The following ACOX1 variants were observed in gnomAD, a reference collection of about 807,000 sequenced individuals.
The protein encoded by ACOX1 is peroxisomal acyl-coenzyme A oxidase 1.
A neutral mutation model predicts 75.5 loss-of-function variants in ACOX1; 41 were observed. The observed-to-expected ratio is 0.54, with a 90% CI of 0.42 to 0.70. ACOX1 has a LOEUF of 0.70. Among genes scored for constraint, ACOX1 ranks in the 30% least tolerant of loss-of-function variants. ACOX1 has a pLI of 0.00. For synonymous variants in ACOX1, 303 were observed against 298.8 expected, an observed-to-expected ratio of 1.01 and a Z score of -0.15; for missense variants, 630 against 837.5, an observed-to-expected ratio of 0.75 and a Z score of 3.06.
At chr17:75,961,241 T>C (rs1255419129) in intron 2 of ACOX1, among the ~76,000 whole-genome samples, 4 of 136,278 alleles carry the variant, frequency 2.9e-5, no homozygotes, top group Non-Finnish European at 6.1e-5. Context: ...TGCAGTGAGC[T>C]AAGATAACAC....
rs1457700456 is a variant in ACOX1, at chr17:75,960,904, G to A, written c.270-529C>T. On this transcript the variant is annotated intron_variant, in intron 2 of 13. Coordinates refer to ENST00000293217, the MANE Select transcript of ACOX1 (RefSeq NM_004035.7). This position sits in a 1 kb window ranked among gnomAD's most constrained non-coding sequence, Gnocchi z 4.4. ...GAGGCAGGAAAATCGCTTGAACCTA[G>A]GAGGCGGAGGTTGCAGTGAGCCGAG... 2.6e-5 allele frequency among the ~76,000 whole-genome samples: 4 copies of A among 152,166 alleles called. No individual in the cohort carries two copies. The highest frequency in any genetic ancestry group is 5.9e-5 in the Non-Finnish European group (4 of 68,018).
intron 2 of ACOX1, among the ~76,000 whole-genome samples, chr17:75,969,389 C>T (rs7220284): frequency 0.13 from 19,137 of 151,776 alleles, 1,665 homozygotes; most frequent in African/African-American, 0.25. Context: ...TGGTCTCGAA[C>T]TCCCGACCTC....
chr17:75,949,339 C>A lies in ACOX1; in HGVS notation c.1606G>T (p.Val536Phe), dbSNP rs140448449. 2 of 1,614,132 alleles carry A rather than the reference C, an allele frequency of 1.2e-6. No homozygotes were observed. The highest frequency in any genetic ancestry group is 3.3e-5 in the Admixed American group (2 of 60,004). The change falls in exon 12 of 14, where the codon GTT (valine) becomes TTT (phenylalanine). Residue 536 changes from valine (V) to phenylalanine (F), a missense_variant. Around this residue, in one of 2 missense-constraint regions of ACOX1, gnomAD observed 240 missense variants for 262.7 expected, o/e 0.91. Transcript: ENST00000293217. The stretch of plus-strand genomic sequence containing the variant: ...AGGAGTTTTTCTGAAAAGAGCTTAA[C>A]TACCACATAGTGGCAATGTGCCTAA... ...ASEAHCHYVV[V>F]KLFSEKLLKI...
chr17:75,948,224 A>G, intron 13 of ACOX1, 27 bp downstream of exon 13: 1 of 1,611,886 alleles, frequency 6.2e-7, no homozygotes, highest in Non-Finnish European at 8.5e-7. Flanking sequence ...AGACTTTTAA[A>G]AAGGTGCAGA....
intron 2 of ACOX1, among the ~76,000 whole-genome samples, chr17:75,976,951 G>A (rs2066055754): frequency 6.7e-6 from 1 of 149,950 alleles, no homozygotes; most frequent in Admixed American, 6.6e-5. Context: ...CTTGTACTAG[G>A]ATCATGTAAT....
Position 75,949,977 on chromosome 17 carries a change from C to T in ACOX1, c.1299-80G>A. On this transcript the variant is annotated intron_variant, in intron 9 of 13. Coordinates refer to ENST00000293217, the MANE Select transcript of ACOX1 (RefSeq NM_004035.7). ...TGAGATGGAGTTTCATTCTTGTTGC[C>T]TAGGCTGGATGGAGTGCAATGGCCA... 8 of 1,522,418 alleles carry T rather than the reference C, an allele frequency of 5.3e-6. No individual in the cohort carries two copies. The South Asian group carries it at 9.2e-5, about 17-fold the overall frequency. The allele number at this position is 1,522,418 out of a possible 1,614,324, so 94.3% of individuals were successfully genotyped here. A position where few individuals can be genotyped will look rare whatever the true frequency, so the allele number is the denominator to read the frequency against.
chr17:75,962,662 G>C (rs1046079435), intron 2 of ACOX1, among the ~76,000 whole-genome samples: 1 of 152,054 alleles, frequency 6.6e-6, no homozygotes, highest in Non-Finnish European at 1.5e-5. Context: ...TCACACTTTA[G>C]AAAAAGAAAA....
At chr17:75,953,858 A>G (rs2065797234) in intron 6 of ACOX1, among the ~76,000 whole-genome samples, 1 of 152,262 alleles carries the variant, frequency 6.6e-6, no homozygotes, top group South Asian at 2.1e-4. Context: ...TTTGAGAATC[A>G]TTGGTTTAGC....
At chr17:75,961,996 G>A (rs1176341818) in intron 2 of ACOX1, among the ~76,000 whole-genome samples, 1 of 151,986 alleles carries the variant, frequency 6.6e-6, no homozygotes, top group African/African-American at 2.4e-5. Flanking sequence ...GTTTTTCCTC[G>A]ATGCAATTTC....
Position 75,979,066 on chromosome 17 carries a change from G to T in ACOX1, c.8C>A (p.Pro3Gln), listed in dbSNP as rs1343563450. The change falls in exon 1 of 14, where the codon CCG becomes CAG. Residue 3 changes from proline to glutamine, a missense_variant. Physicochemically the swap from Pro to Gln is moderately conservative, Grantham distance 76. This residue lies in a region of ACOX1 where 390 missense variants were observed against 574.9 expected (regional missense o/e 0.68). Coordinates refer to ENST00000293217, the MANE Select transcript of ACOX1 (RefSeq NM_004035.7). MN[P>Q]DLRRERDSAS... is the part of the protein sequence containing the mutation. ...GGAATCCCGCTCCCTGCGCAGGTCC[G>T]GGTTCATGGCGACGACCAGCTGGCA... is the stretch of plus-strand genomic sequence containing the variant. The T allele has an allele frequency of 6.2e-7, 1 of 1,611,700 alleles. No individual in the cohort carries two copies.
intron 7 of ACOX1, among the ~76,000 whole-genome samples, chr17:75,952,688 G>T (rs1174211638): frequency 6.6e-6 from 1 of 151,710 alleles, no homozygotes; most frequent in Non-Finnish European, 1.5e-5. Context: ...AAATTAGCTG[G>T]GCATGGTGGC....
rs537207768 is a variant in ACOX1, at chr17:75,946,236, T to A, written c.*512A>T. The A allele has an allele frequency of 5.4e-6, 1 of 183,850 alleles. No individual in the cohort carries two copies. The highest frequency in any genetic ancestry group is 1.5e-4 in the East Asian group (1 of 6,844). 11.4% of individuals were successfully genotyped at this position (183,850 alleles called of 1,614,324 possible). ...GAGACTGTGCCAAGCAGAAACTCAT[T>A]CGCATCAAGTTTTCCAATAAGTTTC... On this transcript the variant is annotated 3_prime_UTR_variant, in exon 14 of 14. Coordinates refer to ENST00000293217, the MANE Select transcript of ACOX1 (RefSeq NM_004035.7).
intron 2 of ACOX1, among the ~76,000 whole-genome samples, chr17:75,975,669 C>A (rs890747256): frequency 6.6e-6 from 1 of 152,090 alleles, no homozygotes; most frequent in Non-Finnish European, 1.5e-5. Context: ...CTCAGCCAGG[C>A]GCAGTGGCTT....
rs956376710 is a variant in ACOX1 at position 75,950,779 on chromosome 17, C to T, written c.1293G>A (p.Thr431=). Residue 431 remains threonine, a synonymous_variant, in exon 9 of 14, where the codon ACG becomes ACA. Coordinates refer to ENST00000293217, the MANE Select transcript of ACOX1 (RefSeq NM_004035.7). This position sits in a 1 kb window ranked among gnomAD's most constrained non-coding sequence, Gnocchi z 4.3. ...ATCGAGGATTTGACTCTCACCTAGC[C>T]GTCTGGAGCATCATGACAGTGTTTT... ...EGENTVMMLQ[T]ARFLMKSYDQ... is the part of the protein sequence containing the mutation. The T allele has an allele frequency of 3.7e-6, 6 of 1,613,922 alleles. No individual in the cohort carries two copies. The highest frequency in any genetic ancestry group is 1.7e-5 in the Admixed American group (1 of 60,004).
At chr17:75,965,453 A>C (rs1323856175) in intron 2 of ACOX1, among the ~76,000 whole-genome samples, 1 of 152,058 alleles carries the variant, frequency 6.6e-6, no homozygotes, top group Non-Finnish European at 1.5e-5. Context: ...TCAATATAAA[A>C]CTAACTTAAA....
In ACOX1 at chr17:75,960,221, C is replaced by A; in HGVS notation, c.424G>T (p.Gly142Cys). The A allele has an allele frequency of 6.2e-7, 1 of 1,614,094 alleles. No homozygotes were observed. Among genetic ancestry groups the A allele is most frequent in the South Asian group, 1.1e-5 (1 of 91,086 alleles). The part of the protein sequence containing the change: ...IIGTYAQTEM[G>C]HGTHLRGLET... ...TAGACTGAATACTCCATACCATGAC[C>A]CATCTCTGTCTGGGCATAAGTGCCA... Residue 142 changes from glycine to cysteine, a missense_variant, in exon 3 of 14, where the codon GGT (glycine) becomes TGT (cysteine). By Grantham distance (159) the Gly-to-Cys change is radical. Transcript: ENST00000293217. This position sits in a 1 kb window ranked among gnomAD's most constrained non-coding sequence, Gnocchi z 4.4.
At chr17:75,957,607 G>GA (rs34361918) in intron 3 of ACOX1, 41 bp from the exon 4 acceptor site, 9 of 1,502,498 alleles carry the variant, frequency 6.0e-6, no homozygotes, top group Non-Finnish European at 8.3e-6. Flanking sequence ...AAGAGATGGG[G>GA]AAAAAAATAG....
At chr17:75,948,533 T>C in intron 12 of ACOX1, 76 bp from the exon 13 acceptor site, 2 of 1,226,136 alleles carry the variant, frequency 1.6e-6, no homozygotes, top group Non-Finnish European at 2.3e-6. Context: ...TATACAGCTA[T>C]AAAGCGGATG....
intron 2 of ACOX1, among the ~76,000 whole-genome samples, chr17:75,964,344 A>G (rs1443388756): frequency 6.6e-6 from 1 of 152,128 alleles, no homozygotes; most frequent in African/African-American, 2.4e-5. Context: ...GTGAAAACTG[A>G]GTTAGGACTG....
Sources: gnomAD v4.1 joint callset for allele counts (sites outside exome capture counted in the v4.1 genomes callset) on GRCh38, gnomAD v4.1.1 for gene constraint, gnomAD v4.1.1 regional missense constraint, Gnocchi (gnomAD v3.1) non-coding constraint, MANE v1.5 for transcripts, NCBI Gene and HGNC (gene_info 2026-07-23, HGNC 2026-07-21) for gene names.